Variants in DCLK1 observed in about 807,000 individuals in gnomAD.
The protein encoded by DCLK1 is doublecortin like kinase 1.
In DCLK1, 16 loss-of-function variants were observed where a neutral mutation model predicts 86.2. The ratio of observed to expected loss-of-function variants is 0.19; its 90% confidence interval spans 0.13 to 0.28. The LOEUF (loss-of-function observed/expected upper bound fraction) is 0.28. Ranked by LOEUF, DCLK1 falls within the 10% of genes least tolerant of loss-of-function variation. DCLK1 has a pLI of 1.00. For missense variants in DCLK1, 590 were observed against 940.2 expected, an observed-to-expected ratio of 0.63 and a Z score of 4.87; for synonymous variants, 369 against 370.5, an observed-to-expected ratio of 1.00 and a Z score of 0.05.
intron 4 of DCLK1, among the ~76,000 whole-genome samples, chr13:35,932,598 C>T (rs1174080066): frequency 6.6e-6 from 1 of 152,072 alleles, no homozygotes; most frequent in Admixed American, 6.5e-5. Context: ...TGGCAGCAGG[C>T]AAAGAGAGAG....
At chr13:35,787,544 G>T (rs933314462) in intron 16 of DCLK1, among the ~76,000 whole-genome samples, 3 of 152,098 alleles carry the variant, frequency 2.0e-5, no homozygotes, top group Non-Finnish European at 4.4e-5. Flanking sequence ...AATCCCTTTT[G>T]CTTGAGCAGA....
At chr13:35,874,732 C>T (rs1487149628) in intron 4 of DCLK1, among the ~76,000 whole-genome samples, 1 of 152,202 alleles carries the variant, frequency 6.6e-6, no homozygotes, top group African/African-American at 2.4e-5. Flanking sequence ...GGACCGTTCC[C>T]ATGGGACAAT....
intron 11 of DCLK1, 33 bp downstream of exon 11, chr13:35,822,696 C>T: frequency 2.5e-6 from 4 of 1,613,538 alleles, no homozygotes; most frequent in Non-Finnish European, 3.4e-6. Flanking sequence ...GTGCTTGGAA[C>T]TCAGGATGCC....
At chr13:35,937,659 C>T (rs996933613) in intron 4 of DCLK1, among the ~76,000 whole-genome samples, 11 of 152,176 alleles carry the variant, frequency 7.2e-5, no homozygotes, top group South Asian at 2.1e-4. Flanking sequence ...TGCTGAGGTG[C>T]CATCCAGTGC....
intron 2 of DCLK1, among the ~76,000 whole-genome samples, chr13:36,124,165 T>G (rs1038352294): frequency 1.3e-5 from 2 of 152,230 alleles, no homozygotes; most frequent in African/African-American, 4.8e-5. Flanking sequence ...TGTTGACTGG[T>G]CATGCACCTG....
At chr13:36,022,244 C>A (rs1469616924) in intron 3 of DCLK1, among the ~76,000 whole-genome samples, 1 of 151,670 alleles carries the variant, frequency 6.6e-6, no homozygotes, top group Non-Finnish European at 1.5e-5. Flanking sequence ...GAAAACACAA[C>A]ACAAGCTGAT....
At chr13:35,998,411 T>C (rs995713396) in intron 3 of DCLK1, among the ~76,000 whole-genome samples, 2 of 152,200 alleles carry the variant, frequency 1.3e-5, no homozygotes, top group Non-Finnish European at 2.9e-5. Flanking sequence ...CCCACATTGA[T>C]GGCTCTTCAG....
At chr13:36,092,370 C>T (rs926783027) in intron 3 of DCLK1, among the ~76,000 whole-genome samples, 4 of 151,994 alleles carry the variant, frequency 2.6e-5, no homozygotes, top group African/African-American at 7.2e-5. Flanking sequence ...CCTAGCACAA[C>T]GGCAAATAGC....
chr13:35,780,679 C>G (rs1469573549), intron 16 of DCLK1, among the ~76,000 whole-genome samples: 1 of 152,202 alleles, frequency 6.6e-6, no homozygotes, highest in Non-Finnish European at 1.5e-5. Context: ...TAAACCTGCC[C>G]TATCCAGAAG....
intron 3 of DCLK1, among the ~76,000 whole-genome samples, chr13:35,958,252 C>G (rs1593768723): frequency 6.6e-6 from 1 of 151,116 alleles, no homozygotes. Flanking sequence ...ACCACCACCA[C>G]TACCACTACT....
chr13:35,896,781 C>G (rs1282657821), intron 4 of DCLK1, among the ~76,000 whole-genome samples: 1 of 151,984 alleles, frequency 6.6e-6, no homozygotes, highest in African/African-American at 2.4e-5. Flanking sequence ...AGAGACAACT[C>G]CACCCTCAGA....
At chr13:35,813,605 A>G (rs955800075) in intron 11 of DCLK1, among the ~76,000 whole-genome samples, 6 of 152,146 alleles carry the variant, frequency 3.9e-5, no homozygotes, top group Non-Finnish European at 2.9e-5. Context: ...ATACAAAATG[A>G]TTATTAAAAG....
intron 16 of DCLK1, among the ~76,000 whole-genome samples, chr13:35,779,790 G>T (rs1190099541): frequency 6.6e-6 from 1 of 152,114 alleles, no homozygotes; most frequent in African/African-American, 2.4e-5. Flanking sequence ...ATGATGTTTA[G>T]AAGTTTGTGG....
chr13:35,878,794 T>A (rs1593691877), intron 4 of DCLK1, among the ~76,000 whole-genome samples: 1 of 33,436 alleles, frequency 3.0e-5, no homozygotes, highest in South Asian at 1.5e-3. Flanking sequence ...AAAAATTACA[T>A]TTTTTTTTTT....
chr13:35,980,783 T>C (rs1464858183), intron 3 of DCLK1, among the ~76,000 whole-genome samples: 1 of 152,180 alleles, frequency 6.6e-6, no homozygotes, highest in Non-Finnish European at 1.5e-5. Flanking sequence ...CATCCTGCTG[T>C]CACCTCTTGC....
intron 11 of DCLK1, among the ~76,000 whole-genome samples, chr13:35,817,005 A>G (rs1159673572): frequency 6.6e-6 from 1 of 152,148 alleles, no homozygotes; most frequent in Non-Finnish European, 1.5e-5. Context: ...TCTCCCACCA[A>G]CACATATGAG....
intron 3 of DCLK1, among the ~76,000 whole-genome samples, chr13:35,955,415 G>A (rs1201600122): frequency 6.6e-6 from 1 of 152,006 alleles, no homozygotes; most frequent in Non-Finnish European, 1.5e-5. Flanking sequence ...AGGTAGAAGG[G>A]ACAAGGGACC....
chr13:35,838,428 T>C (rs541498015), intron 7 of DCLK1, among the ~76,000 whole-genome samples: 1 of 152,300 alleles, frequency 6.6e-6, no homozygotes, highest in Admixed American at 6.5e-5. Context: ...GATTTGAACC[T>C]GGTAACAGCC....
intron 8 of DCLK1, 45 bp downstream of exon 8, chr13:35,835,988 C>T: frequency 1.4e-6 from 2 of 1,383,190 alleles, no homozygotes; most frequent in Non-Finnish European, 2.0e-6. Context: ...AAACATAACG[C>T]CAAATGTAAC....
Sources: allele counts gnomAD v4.1 joint callset (sites outside exome capture counted in the v4.1 genomes callset), GRCh38; gene constraint gnomAD v4.1.1; transcripts MANE v1.5; gene names NCBI Gene and HGNC (gene_info 2026-07-23, HGNC 2026-07-21).